PRIM2: variants seen among roughly 807,000 people sequenced by gnomAD.
PRIM2 encodes DNA primase large subunit.
A neutral mutation model predicts 67.3 loss-of-function variants in PRIM2; 39 were observed. The ratio of observed to expected loss-of-function variants is 0.58; its 90% CI spans 0.45 to 0.76. The LOEUF is 0.76. Ranked by LOEUF, PRIM2 falls within the 30% of genes least tolerant of loss-of-function variation. The pLI, the probability that PRIM2 is intolerant of heterozygous loss-of-function variation, is 0.00. For synonymous variants in PRIM2, 143 were observed against 198.7 expected (o/e 0.72, Z 2.36); for missense variants, 398 against 598.7 (o/e 0.66, Z 3.50).
At chr6:57,266,464 AT>A in the PRIM2 span, among the ~76,000 whole-genome samples, 1 of 152,132 alleles carries the variant, frequency 6.6e-6, no homozygotes, top group Admixed American at 6.5e-5. Flanking sequence ...CAGCTCGACA[AT>A]TTTTTTGCAA....
the PRIM2 span, among the ~76,000 whole-genome samples, chr6:57,270,065 G>C: frequency 6.6e-6 from 1 of 152,110 alleles, no homozygotes; most frequent in Non-Finnish European, 1.5e-5. Context: ...CAGGTAGCAT[G>C]ATGCCTCCAG....
intron 10 of PRIM2, among the ~76,000 whole-genome samples, chr6:57,543,151 G>C (rs1372067449): frequency 1.3e-5 from 2 of 150,832 alleles, no homozygotes; most frequent in Non-Finnish European, 2.9e-5. Flanking sequence ...GTGTTAGCCA[G>C]GATGGTCTCG....
intron 7 of PRIM2, among the ~76,000 whole-genome samples, chr6:57,468,992 C>T (rs1773273283): frequency 6.6e-6 from 1 of 152,112 alleles, no homozygotes; most frequent in Non-Finnish European, 1.5e-5. Flanking sequence ...TGTTTGTAAG[C>T]CCTGAAACAG....
the PRIM2 span, among the ~76,000 whole-genome samples, chr6:57,263,953 G>A: frequency 6.6e-6 from 1 of 152,164 alleles, no homozygotes; most frequent in Non-Finnish European, 1.5e-5. Context: ...AGAGCGTGCT[G>A]CCACCAGCCT....
chr6:57,407,331 T>C (rs1770924478), intron 7 of PRIM2, among the ~76,000 whole-genome samples: 1 of 151,812 alleles, frequency 6.6e-6, no homozygotes, highest in Non-Finnish European at 1.5e-5. Context: ...TTGGACTATA[T>C]TTGAATTTTG....
chr6:57,331,259 A>G (rs998873646), intron 5 of PRIM2, among the ~76,000 whole-genome samples: 2 of 151,952 alleles, frequency 1.3e-5, no homozygotes, highest in African/African-American at 2.4e-5. Flanking sequence ...CAATCCTGGA[A>G]TAAATCCCCC....
the PRIM2 span, among the ~76,000 whole-genome samples, chr6:57,284,713 G>A: frequency 6.6e-6 from 1 of 152,040 alleles, no homozygotes; most frequent in Non-Finnish European, 1.5e-5. Context: ...CAACTTTTCT[G>A]GAAGAAAATT....
At chr6:57,511,452 A>G (rs1200155602) in intron 8 of PRIM2, among the ~76,000 whole-genome samples, 1 of 151,998 alleles carries the variant, frequency 6.6e-6, no homozygotes, top group Non-Finnish European at 1.5e-5. Flanking sequence ...GCACTTGAAC[A>G]AGTTATAAAA....
rs555457807 is a variant in PRIM2 at position 57,387,732 on chromosome 6, C to T, written c.693+5564C>T. Among the ~76,000 whole-genome samples, 9 of 151,390 alleles carry T rather than the reference C, an allele frequency of 5.9e-5. No individual in the cohort carries two copies. In the South Asian group the frequency reaches 1.3e-3, roughly 21 times the overall value. The stretch of plus-strand genomic sequence containing the variant: ...GATAGATTTTTTTTGCTTCATATGG[C>T]AATTTTAGAAGCTATAGCCAGTTCT... On this transcript the variant is annotated intron_variant, in intron 7 of 13. Coordinates refer to ENST00000615550, the MANE Select transcript of PRIM2 (RefSeq NM_000947.5).
At chr6:57,346,204 C>T (rs1768671284) in intron 5 of PRIM2, among the ~76,000 whole-genome samples, 2 of 152,176 alleles carry the variant, frequency 1.3e-5, no homozygotes, top group African/African-American at 4.8e-5. Context: ...GTGCGAGCCT[C>T]ATTTGATCCA....
rs1370307746 is a variant in PRIM2, at chr6:57,612,999, T to C, written c.1230+6542T>C. Among the ~76,000 whole-genome samples the C allele has an allele frequency of 2.6e-5, 4 of 152,232 alleles. No individual in the cohort carries two copies. The East Asian group carries it at 5.8e-4, about 22-fold the overall frequency. On this transcript the variant is annotated intron_variant, in intron 12 of 13. Coordinates refer to ENST00000615550, the MANE Select transcript of PRIM2 (RefSeq NM_000947.5). ...TTGTAGAGATAGAGGTCTTGCTGTG[T>C]TGCCTAGGCTGGTCTTGAACTCATG...
the PRIM2 span, among the ~76,000 whole-genome samples, chr6:57,269,570 T>G: frequency 5.9e-5 from 9 of 152,286 alleles, no homozygotes; most frequent in African/African-American, 2.2e-4. Flanking sequence ...TTTTCTCCCA[T>G]TCTGTAGGTT....
chr6:57,598,058 GTTAT>G (rs1176703353), intron 10 of PRIM2, among the ~76,000 whole-genome samples: 1 of 152,152 alleles, frequency 6.6e-6, no homozygotes, highest in East Asian at 1.9e-4. Flanking sequence ...TTTCACTCTA[GTTAT>G]TAGAGTGAGA....
chr6:57,241,467 T>C, the PRIM2 span, among the ~76,000 whole-genome samples: 4 of 151,096 alleles, frequency 2.6e-5, no homozygotes, highest in Middle Eastern at 0.014. Context: ...TTGATAGATG[T>C]GTAAAACTGA....
At chr6:57,607,099 G>A (rs1416255976) in intron 12 of PRIM2, among the ~76,000 whole-genome samples, 107 of 152,274 alleles carry the variant, frequency 7.0e-4, no homozygotes, top group Non-Finnish European at 8.7e-4. Flanking sequence ...AATTTTGAAG[G>A]AATAGGGGAA....
At chr6:57,252,799 A>G in the PRIM2 span, among the ~76,000 whole-genome samples, 2 of 152,220 alleles carry the variant, frequency 1.3e-5, no homozygotes, top group South Asian at 2.1e-4. Flanking sequence ...AAATTGGCCA[A>G]ACTGGCATTC....
intron 7 of PRIM2, among the ~76,000 whole-genome samples, chr6:57,450,682 C>T (rs1407082): frequency 5.3e-5 from 8 of 152,168 alleles, no homozygotes; most frequent in Middle Eastern, 3.4e-3. Flanking sequence ...TTTTTGTTTG[C>T]GATATGAAGC....
At chr6:57,547,555 C>T (rs1178152018) in intron 10 of PRIM2, among the ~76,000 whole-genome samples, 4 of 152,170 alleles carry the variant, frequency 2.6e-5, no homozygotes, top group African/African-American at 7.2e-5. Flanking sequence ...ATCACTTCGG[C>T]GACTAGCTTT....
rs1339723386 is a variant in PRIM2, at chr6:57,617,166, A to G, written c.1230+10709A>G. Among the ~76,000 whole-genome samples the G allele has an allele frequency of 1.4e-3, 212 of 152,306 alleles. 5 individuals are homozygous for G. The East Asian group carries it at 0.019, about 13-fold the overall frequency. ...TTTTCCCAGCTTCTGGTGGTTTGTTAGCAATCTTTGACTTGTAGATGCATC... is the reference window on the plus strand; with the variant it reads ...TTTTCCCAGCTTCTGGTGGTTTGTTGGCAATCTTTGACTTGTAGATGCATC... On this transcript the variant is annotated intron_variant, in intron 12 of 13. Coordinates refer to ENST00000615550, the MANE Select transcript of PRIM2 (RefSeq NM_000947.5).
Sources: allele counts gnomAD v4.1 joint callset (sites outside exome capture counted in the v4.1 genomes callset), GRCh38; gene constraint gnomAD v4.1.1; transcripts MANE v1.5; gene names NCBI Gene and HGNC (gene_info 2026-07-23, HGNC 2026-07-21).